The following MID1 variants were observed in gnomAD, a reference collection of about 807,000 sequenced individuals.
MID1 encodes midline 1, also known as E3 ubiquitin-protein ligase Midline-1.
In MID1, 7 loss-of-function variants were observed where a neutral mutation model predicts 40.4. The ratio of observed to expected loss-of-function variants is 0.17; its 90% confidence interval spans 0.10 to 0.33. MID1 has a LOEUF of 0.33. Among genes scored for constraint, MID1 ranks in the 10% least tolerant of loss-of-function variants. The pLI is 1.00. For missense variants in MID1, 367 were observed against 558.5 expected, an observed-to-expected ratio of 0.66 and a Z score of 3.46; for synonymous variants, 229 against 221.2, an observed-to-expected ratio of 1.04 and a Z score of -0.31.
chrX:10,693,742 A>T (rs773568790), intron 1 of MID1, among the ~76,000 whole-genome samples: 1 of 111,893 alleles, frequency 8.9e-6, no homozygotes, highest in African/African-American at 3.2e-5. Flanking sequence ...AGTATTTATC[A>T]AGTATCTATT....
chrX:10,707,952 A>G (rs1398604316), intron 1 of MID1, among the ~76,000 whole-genome samples: 1 of 113,210 alleles, frequency 8.8e-6, no homozygotes, highest in Non-Finnish European at 1.9e-5. Flanking sequence ...CGGGAAATCA[A>G]TATGATTTGG....
At chrX:10,608,448 T>G (rs1174742820) in intron 1 of MID1, among the ~76,000 whole-genome samples, 1 of 111,842 alleles carries the variant, frequency 8.9e-6, no homozygotes, top group Non-Finnish European at 1.9e-5. Context: ...TGGATAAACC[T>G]CTAGAAAATT....
chrX:10,802,956 T>C (rs746973372), intron 1 of MID1, among the ~76,000 whole-genome samples: 1 of 111,616 alleles, frequency 9.0e-6, no homozygotes, highest in Non-Finnish European at 1.9e-5. Flanking sequence ...TTCTCACTTA[T>C]AAATGGGAGC....
At chrX:10,586,658 C>A (rs918696698) in intron 1 of MID1, among the ~76,000 whole-genome samples, 3 of 112,370 alleles carry the variant, frequency 2.7e-5, no homozygotes, top group Non-Finnish European at 3.8e-5. Flanking sequence ...AAAGTCACCA[C>A]AGCATGGGGG....
At chrX:10,746,488 T>A (rs756074414) in intron 1 of MID1, among the ~76,000 whole-genome samples, 1 of 112,097 alleles carries the variant, frequency 8.9e-6, no homozygotes, top group African/African-American at 3.2e-5. Context: ...TCAATTTCTA[T>A]CCCAATAAAA....
chrX:10,455,926 ACTT>A (rs957271046), intron 8 of MID1, among the ~76,000 whole-genome samples: 1 of 112,133 alleles, frequency 8.9e-6, no homozygotes, highest in Non-Finnish European at 1.9e-5. Context: ...CATAGTTGTT[ACTT>A]CTTCTTTGAC....
At position 10,592,274 on chromosome X, in the gene MID1, T is replaced by TAAA. The variant is rs144661774; in HGVS notation, c.-56-24674_-56-24672dup. On this transcript the variant is annotated intron_variant, in intron 1 of 9. Coordinates refer to ENST00000317552, the MANE Select transcript of MID1 (RefSeq NM_000381.4). ...AAAATTTCCTGCTTAGGGACTGCGT[T>TAAA]AAAAAAAAAAAAAAAAAAAAAAAAA... 3.5e-3 allele frequency among the ~76,000 whole-genome samples: 100 copies of TAAA among 28,253 alleles called. 4 individuals are homozygous for TAAA. The highest frequency in any genetic ancestry group is 0.013 in the African/African-American group (92 of 7,174). The allele number at this position is 28,253 out of a possible 115,157, so 24.5% of individuals were successfully genotyped here. A position where few individuals can be genotyped will look rare whatever the true frequency, so the allele number is the denominator to read the frequency against.
intron 9 of MID1, 42 bp downstream of exon 9, chrX:10,454,828 T>A: frequency 9.3e-7 from 1 of 1,074,096 alleles, no homozygotes; most frequent in South Asian, 1.9e-5. Context: ...GAATGAGATG[T>A]GCCTTTTTAT....
At chrX:10,501,071 G>T (rs1488636279) in intron 3 of MID1, among the ~76,000 whole-genome samples, 1 of 111,893 alleles carries the variant, frequency 8.9e-6, no homozygotes, top group Non-Finnish European at 1.9e-5. Context: ...AGCACTTTGG[G>T]AGGCCGAGGC....
intron 1 of MID1, among the ~76,000 whole-genome samples, chrX:10,618,301 C>A (rs779259822): frequency 8.9e-6 from 1 of 112,121 alleles, no homozygotes; most frequent in Non-Finnish European, 1.9e-5. Context: ...TTCGACTCAC[C>A]CTGCCTGGAT....
chrX:10,767,637 G>A (rs186165204), intron 1 of MID1, among the ~76,000 whole-genome samples: 144 of 111,978 alleles, frequency 1.3e-3, no homozygotes, highest in African/African-American at 4.6e-3. Context: ...AATTTTAAAT[G>A]TGAAATTGAT....
At chrX:10,662,157 A>G (rs893238201) in intron 1 of MID1, among the ~76,000 whole-genome samples, 7 of 111,459 alleles carry the variant, frequency 6.3e-5, no homozygotes, top group African/African-American at 2.3e-4. Context: ...ATACAAAATT[A>G]GCTGGGCATG....
chrX:10,708,422 C>A (rs2043245412), intron 1 of MID1, among the ~76,000 whole-genome samples: 2 of 111,095 alleles, frequency 1.8e-5, no homozygotes, highest in South Asian at 7.6e-4. Flanking sequence ...GGATACAAAT[C>A]AATTCCTTCC....
At chrX:10,711,717 C>T (rs2043268806) in intron 1 of MID1, among the ~76,000 whole-genome samples, 1 of 112,644 alleles carries the variant, frequency 8.9e-6, no homozygotes, top group South Asian at 3.7e-4. Context: ...TTTGTAGTGA[C>T]CAGCTGTTGA....
At chrX:10,491,916 T>G (rs1231033795) in intron 4 of MID1, among the ~76,000 whole-genome samples, 1 of 111,864 alleles carries the variant, frequency 8.9e-6, no homozygotes, top group Non-Finnish European at 1.9e-5. Flanking sequence ...CAGTCGGCAT[T>G]TGTCAAACTT....
At chrX:10,673,223 T>G (rs1746334530) in intron 1 of MID1, among the ~76,000 whole-genome samples, 1 of 111,738 alleles carries the variant, frequency 8.9e-6, no homozygotes, top group African/African-American at 3.3e-5. Flanking sequence ...GGGATGCATT[T>G]TTCTACAACT....
chrX:10,807,928 A>C (rs1357063000), intron 1 of MID1, among the ~76,000 whole-genome samples: 1 of 112,325 alleles, frequency 8.9e-6, no homozygotes, highest in African/African-American at 3.2e-5. Context: ...AGGATAGGGG[A>C]GGCCAGAAAC....
At chrX:10,598,886 C>T (rs887495796) in intron 1 of MID1, among the ~76,000 whole-genome samples, 4 of 111,877 alleles carry the variant, frequency 3.6e-5, no homozygotes, top group African/African-American at 9.7e-5. Context: ...TACAGAGCCA[C>T]GAGCTAATAA....
At chrX:10,701,842 G>A (rs7888885) in intron 1 of MID1, among the ~76,000 whole-genome samples, 10,588 of 111,982 alleles carry the variant, frequency 0.095, 786 homozygotes, top group African/African-American at 0.25. Context: ...GAAAACTCCA[G>A]TGTAAGAAAA....
Sources: allele counts gnomAD v4.1 joint callset (sites outside exome capture counted in the v4.1 genomes callset), GRCh38; gene constraint gnomAD v4.1.1; transcripts MANE v1.5; gene names NCBI Gene and HGNC (gene_info 2026-07-23, HGNC 2026-07-21).